PRKCE: variants seen among roughly 807,000 people sequenced by gnomAD.
The protein encoded by PRKCE is protein kinase C epsilon.
PRKCE carries 16 observed loss-of-function variants against 85.4 expected under a neutral mutation model. The observed-to-expected ratio is 0.19, with a 90% CI of 0.13 to 0.28. PRKCE has a LOEUF of 0.28. PRKCE is among the 10% of genes least tolerant of loss of function. PRKCE has a pLI of 1.00. For synonymous variants in PRKCE, 388 were observed against 371.5 expected (o/e 1.04, Z -0.51); for missense variants, 573 against 975.2 (o/e 0.59, Z 5.49).
rs1183961976 is a variant in PRKCE at position 46,174,211 on chromosome 2, AC to A, written c.2068-10523del. The stretch of plus-strand genomic sequence containing the variant: ...GCTTGGGCAGCTTGTCCCTACGACT[AC>A]AGGGGCCACCTAGCTGCCAGGACCC... On this transcript the variant is annotated intron_variant, in intron 14 of 14. Coordinates refer to ENST00000306156, the MANE Select transcript of PRKCE (RefSeq NM_005400.3). 5.3e-5 allele frequency among the ~76,000 whole-genome samples: 8 copies of A among 152,246 alleles called. No individual in the cohort carries two copies. In the East Asian group the frequency reaches 1.5e-3, roughly 29 times the overall value.
intron 2 of PRKCE, among the ~76,000 whole-genome samples, chr2:45,954,575 G>A (rs1700844233): frequency 1.3e-5 from 2 of 152,118 alleles, no homozygotes; most frequent in African/African-American, 4.8e-5. Context: ...TTCATAGAGG[G>A]TACATATTAA....
chr2:45,986,915 G>T (rs766836373), intron 6 of PRKCE, among the ~76,000 whole-genome samples: 43 of 152,166 alleles, frequency 2.8e-4, no homozygotes, highest in Non-Finnish European at 5.4e-4. Flanking sequence ...AGGAAGAAGG[G>T]AGGGGAGCAG....
Position 46,183,895 on chromosome 2 carries a change from C to G in PRKCE, c.2068-840C>G, listed in dbSNP as rs543896540. ...AAGGCAGAGAGCATTACTTATACTT[C>G]CTGATTTTCTCCAAAAACCAGCATT... On this transcript the variant is annotated intron_variant, in intron 14 of 14. Transcript: ENST00000306156. Among the ~76,000 whole-genome samples, 4 of 152,316 alleles carry G rather than the reference C, an allele frequency of 2.6e-5. No homozygotes were observed. The East Asian group carries it at 7.7e-4, about 29-fold the overall frequency.
At chr2:45,865,168 G>A (rs558395330) in intron 2 of PRKCE, among the ~76,000 whole-genome samples, 25 of 152,238 alleles carry the variant, frequency 1.6e-4, no homozygotes, top group African/African-American at 6.0e-4. Flanking sequence ...CAGCTCCTAG[G>A]CGATGCCAGT....
At chr2:45,766,577 G>A (rs1452883548) in intron 1 of PRKCE, among the ~76,000 whole-genome samples, 2 of 152,204 alleles carry the variant, frequency 1.3e-5, no homozygotes, top group African/African-American at 2.4e-5. Context: ...GGAAGAACCT[G>A]GGGTGTTTCT....
chr2:46,110,447 C>T (rs1177054274), intron 11 of PRKCE, among the ~76,000 whole-genome samples: 1 of 152,244 alleles, frequency 6.6e-6, no homozygotes, highest in East Asian at 1.9e-4. Context: ...AGAATTGGCC[C>T]ATTTCATTTA....
chr2:45,735,266 T>A (rs956997785), intron 1 of PRKCE, among the ~76,000 whole-genome samples: 2 of 152,228 alleles, frequency 1.3e-5, no homozygotes, highest in African/African-American at 4.8e-5. Flanking sequence ...TTAGACATCG[T>A]CCTCCTGATG....
At chr2:46,053,464 TA>T (rs2105075419) in intron 10 of PRKCE, among the ~76,000 whole-genome samples, 1 of 152,324 alleles carries the variant, frequency 6.6e-6, no homozygotes, top group South Asian at 2.1e-4. Flanking sequence ...TTTCATCTTG[TA>T]AAACGAAAAC....
chr2:46,082,988 C>T (rs1310265308), intron 10 of PRKCE, among the ~76,000 whole-genome samples: 2 of 152,150 alleles, frequency 1.3e-5, no homozygotes, highest in Admixed American at 1.3e-4. Flanking sequence ...CTCTCTGTCA[C>T]CCAGGCTGGA....
intron 2 of PRKCE, among the ~76,000 whole-genome samples, chr2:45,926,699 AT>A (rs1170517679): frequency 2.0e-5 from 3 of 152,242 alleles, no homozygotes; most frequent in African/African-American, 7.2e-5. Context: ...ATTTTGTGAC[AT>A]GGACAGCCGT....
Position 45,870,958 on chromosome 2 carries a change from GTGAA to G in PRKCE, c.412+27898_412+27901del, listed in dbSNP as rs146981908. On this transcript the variant is annotated intron_variant, in intron 2 of 14. Transcript: ENST00000306156. ...GAATGGGCTCCCCAGAAGATGGTGA[GTGAA>G]TGCCCAGTCCCAACCTGTGCCCAGA... 4.1e-4 allele frequency among the ~76,000 whole-genome samples: 63 copies of G among 152,360 alleles called. No individual in the cohort carries two copies. In the East Asian group the frequency reaches 0.011, roughly 27 times the overall value.
intron 2 of PRKCE, among the ~76,000 whole-genome samples, chr2:45,903,720 A>G (rs1696740749): frequency 1.3e-5 from 2 of 152,226 alleles, no homozygotes; most frequent in Admixed American, 1.3e-4. Flanking sequence ...TGTAGAATGT[A>G]CAAGGCAAGG....
intron 1 of PRKCE, among the ~76,000 whole-genome samples, chr2:45,718,483 G>A (rs550720238): frequency 2.6e-5 from 4 of 151,450 alleles, no homozygotes; most frequent in African/African-American, 9.7e-5. Flanking sequence ...TAGCTGGGAT[G>A]ACAGGCACGC....
intron 2 of PRKCE, among the ~76,000 whole-genome samples, chr2:45,958,816 A>ATAT (rs1701181096): frequency 1.7e-4 from 3 of 18,150 alleles, no homozygotes; most frequent in Non-Finnish European, 2.8e-4. Context: ...ATATATATAT[A>ATAT]TTTTTTTTTT....
chr2:46,122,286 C>T (rs1673388947), intron 11 of PRKCE, among the ~76,000 whole-genome samples: 1 of 152,148 alleles, frequency 6.6e-6, no homozygotes, highest in Non-Finnish European at 1.5e-5. Context: ...GGGTGGAGTG[C>T]AGTGGCGTGA....
At chr2:45,841,774 C>G (rs188356831) in intron 1 of PRKCE, among the ~76,000 whole-genome samples, 3 of 152,352 alleles carry the variant, frequency 2.0e-5, no homozygotes, top group Admixed American at 2.0e-4. Context: ...CTGGGCATAT[C>G]TGGATAGATT....
At chr2:46,061,441 C>G (rs1574365156) in intron 10 of PRKCE, among the ~76,000 whole-genome samples, 1 of 151,972 alleles carries the variant, frequency 6.6e-6, no homozygotes, top group South Asian at 2.1e-4. Flanking sequence ...TTTTTTCCCC[C>G]CTATAATTTA....
intron 1 of PRKCE, among the ~76,000 whole-genome samples, chr2:45,758,964 G>A (rs1684222367): frequency 1.3e-5 from 2 of 152,318 alleles, no homozygotes; most frequent in South Asian, 4.1e-4. Context: ...GTGATATGGT[G>A]AAGGGACCGT....
At chr2:45,977,908 AAC>A (rs1408150057) in intron 3 of PRKCE, among the ~76,000 whole-genome samples, 1 of 152,176 alleles carries the variant, frequency 6.6e-6, no homozygotes, top group Admixed American at 6.5e-5. Context: ...CCTTGGATCC[AAC>A]TGGGGAGAGC....
Sources: gnomAD v4.1 joint callset for allele counts (sites outside exome capture counted in the v4.1 genomes callset) on GRCh38, gnomAD v4.1.1 for gene constraint, MANE v1.5 for transcripts, NCBI Gene and HGNC (gene_info 2026-07-23, HGNC 2026-07-21) for gene names.